The following LINGO1 variants were observed in gnomAD, a reference collection of about 807,000 sequenced individuals.
LINGO1 encodes leucine rich repeat and Ig domain containing 1, also known as leucine-rich repeat and immunoglobulin-like domain-containing nogo receptor-interacting protein 1.
Under a neutral mutation model 37.3 loss-of-function variants are expected in LINGO1, and 11 were observed. The ratio of observed to expected loss-of-function variants is 0.29; its 90% confidence interval spans 0.19 to 0.49. LINGO1 has a LOEUF of 0.49. Ranked by LOEUF, LINGO1 falls within the 20% of genes least tolerant of loss-of-function variation. The pLI, the probability that LINGO1 is intolerant of heterozygous loss-of-function variation, is 0.99. For synonymous variants in LINGO1, 387 were observed against 403.0 expected, an observed-to-expected ratio of 0.96 and a Z score of 0.48; for missense variants, 585 against 878.2, an observed-to-expected ratio of 0.67 and a Z score of 4.22.
At chr15:77,659,412 T>C (rs1035245416) in intron 3 of LINGO1, among the ~76,000 whole-genome samples, 12 of 151,996 alleles carry the variant, frequency 7.9e-5, no homozygotes, top group African/African-American at 2.4e-4. Context: ...CCAAGGACCC[T>C]CAAGCAGAGG....
At chr15:77,754,353 C>T (rs1331330858) in intron 1 of LINGO1, among the ~76,000 whole-genome samples, 1 of 151,990 alleles carries the variant, frequency 6.6e-6, no homozygotes, top group Non-Finnish European at 1.5e-5. Flanking sequence ...AGACAGATTC[C>T]CCCATTCTTG....
chr15:77,710,112 C>T (rs920276098), intron 2 of LINGO1, among the ~76,000 whole-genome samples: 14 of 152,244 alleles, frequency 9.2e-5, no homozygotes, highest in African/African-American at 3.4e-4. Flanking sequence ...GCTTCTCCTG[C>T]TCCTTCCAGG....
chr15:77,812,686 G>A lies in LINGO1; in HGVS notation c.-458+7572C>T, dbSNP rs556121059. Among the ~76,000 whole-genome samples the A allele has an allele frequency of 6.6e-3, 670 of 102,066 alleles. 7 individuals carry two copies. Among genetic ancestry groups the A allele is most frequent in the African/African-American group, 0.018 (651 of 35,512 alleles). 67.0% of individuals were successfully genotyped at this position (102,066 alleles called of 152,430 possible). A position where few individuals can be genotyped will look rare whatever the true frequency, so the allele number is the denominator to read the frequency against. On this transcript the variant is annotated intron_variant, in intron 1 of 5. Transcript: ENST00000562933. ...GCCCAGCTGACCCTCGCCAACAATG[G>A]CCAGGCTCACCTCCGTGGATCAATA... is the stretch of plus-strand genomic sequence containing the variant.
At chr15:77,695,959 G>A (rs947521398) in intron 1 of LINGO1, 1 of 151,936 alleles carries the variant, frequency 6.6e-6, no homozygotes, top group Non-Finnish European at 1.5e-5. Flanking sequence ...AAGGAGGAAG[G>A]GAGAAACCTA....
At chr15:77,736,704 G>T (rs1446669644) in intron 1 of LINGO1, among the ~76,000 whole-genome samples, 1 of 152,190 alleles carries the variant, frequency 6.6e-6, no homozygotes, top group Admixed American at 6.5e-5. Flanking sequence ...AGCCCAGGAG[G>T]TGGAGGCTAC....
chr15:77,678,403 A>G (rs968404009), intron 2 of LINGO1, among the ~76,000 whole-genome samples: 1 of 152,180 alleles, frequency 6.6e-6, no homozygotes, highest in African/African-American at 2.4e-5. Flanking sequence ...CGTTTTCCAG[A>G]GTGTCATACA....
chr15:77,664,130 A>AGTGTGTGTGTGTGTGT (rs774494605), intron 3 of LINGO1, among the ~76,000 whole-genome samples: 49 of 130,370 alleles, frequency 3.8e-4, no homozygotes, highest in East Asian at 1.1e-3. Flanking sequence ...ACACAGGAGC[A>AGTGTGTGTGTGTGTGT]GTGTGTGTGT....
intron 1 of LINGO1, among the ~76,000 whole-genome samples, chr15:77,762,410 C>T (rs572734579): frequency 2.2e-4 from 33 of 152,306 alleles, no homozygotes; most frequent in African/African-American, 7.7e-4. Flanking sequence ...CCTATCCTGA[C>T]CACCTTCTTC....
chr15:77,715,699 G>A (rs1335090544), intron 2 of LINGO1, among the ~76,000 whole-genome samples: 6 of 152,210 alleles, frequency 3.9e-5, no homozygotes, highest in African/African-American at 9.6e-5. Context: ...GCTGGGGCCT[G>A]TATCATTTCC....
intron 2 of LINGO1, among the ~76,000 whole-genome samples, chr15:77,721,535 T>C (rs2076049891): frequency 6.6e-6 from 1 of 152,202 alleles, no homozygotes; most frequent in African/African-American, 2.4e-5. Context: ...GTTGGCATTC[T>C]TTATTTGTCA....
chr15:77,672,609 T>C (rs1364166569), intron 3 of LINGO1, among the ~76,000 whole-genome samples: 2 of 152,178 alleles, frequency 1.3e-5, no homozygotes, highest in African/African-American at 4.8e-5. Flanking sequence ...AACCCAGAGC[T>C]CTGCCTTTCA....
At chr15:77,806,322 A>C (rs2076959346) in intron 1 of LINGO1, among the ~76,000 whole-genome samples, 1 of 151,886 alleles carries the variant, frequency 6.6e-6, no homozygotes, top group Non-Finnish European at 1.5e-5. Flanking sequence ...TTCTATCATT[A>C]ATGGTTTTGA....
At position 77,760,916 on chromosome 15, in the gene LINGO1, C is replaced by CTTTTTTTTTT. The variant is rs34524098; in HGVS notation, c.-256-25873_-256-25864dup. On this transcript the variant is annotated intron_variant, in intron 1 of 3. Coordinates refer to the LINGO1 transcript ENST00000561686. The stretch of plus-strand genomic sequence containing the variant: ...TTTTGTTGTGATTGTTAATAAGTAT[C>CTTTTTTTTTT]TTTTTTTTTTTTTTTTTTTTTTTTT... Among the ~76,000 whole-genome samples the CTTTTTTTTTT allele has an allele frequency of 8.8e-4, 85 of 96,412 alleles. 14 individuals carry two copies. Among genetic ancestry groups the CTTTTTTTTTT allele is most frequent in the African/African-American group, 3.8e-3 (77 of 20,516 alleles). The allele number at this position is 96,412 out of a possible 152,430, so 63.3% of individuals were successfully genotyped here. A position where few individuals can be genotyped will look rare whatever the true frequency, so the allele number is the denominator to read the frequency against.
At chr15:77,634,476 G>T (rs1413231964), upstream of LINGO1, 6 of 377,858 alleles carry the variant, frequency 1.6e-5, no homozygotes. Context: ...AGCAACTCTG[G>T]GGGAGGCACT....
At chr15:77,641,956 G>T in intron 3 of LINGO1, 1 of 456,672 alleles carries the variant, frequency 2.2e-6, no homozygotes, top group Non-Finnish European at 4.4e-6. Context: ...GAGTGGTCTT[G>T]GGTAAGTCAC....
At chr15:77,787,278 C>G (rs2076781168), upstream of LINGO1, 2 of 152,336 alleles carry the variant, frequency 1.3e-5, no homozygotes, top group African/African-American at 4.8e-5. Flanking sequence ...CGCATACCAT[C>G]CTTAGCAAAT....
At chr15:77,668,857 C>G (rs576987239) in intron 3 of LINGO1, among the ~76,000 whole-genome samples, 1 of 150,970 alleles carries the variant, frequency 6.6e-6, no homozygotes, top group African/African-American at 2.4e-5. Context: ...AGGTCCCAAA[C>G]TGGGTTCTTC....
At chr15:77,776,546 G>GCAGGAAGGCAGGAAAGC (rs1567577919) in intron 1 of LINGO1, among the ~76,000 whole-genome samples, 32 of 43,864 alleles carry the variant, frequency 7.3e-4, no homozygotes, top group Admixed American at 2.4e-3. Flanking sequence ...GGGAGGGAGG[G>GCAGGAAGGCAGGAAAGC]AGGGAGGGAG....
At chr15:77,776,593 G>A (rs1339112954) in intron 1 of LINGO1, among the ~76,000 whole-genome samples, 4 of 151,644 alleles carry the variant, frequency 2.6e-5, no homozygotes, top group African/African-American at 4.9e-5. Flanking sequence ...CTTTGGGGCC[G>A]CAATATAACA....
Sources: allele counts gnomAD v4.1 joint callset (sites outside exome capture counted in the v4.1 genomes callset), GRCh38; gene constraint gnomAD v4.1.1; transcripts MANE v1.5; gene names NCBI Gene and HGNC (gene_info 2026-07-23, HGNC 2026-07-21).